The following PTPRM variants were observed in gnomAD, a reference collection of about 807,000 sequenced individuals.
PTPRM encodes the protein receptor-type tyrosine-protein phosphatase mu.
Under a neutral mutation model 186.7 loss-of-function variants are expected in PTPRM, and 47 were observed. That is an observed-to-expected ratio of 0.25 (90% CI 0.20 to 0.32). The LOEUF is 0.32. Ranked by LOEUF, PTPRM falls within the 10% of genes least tolerant of loss-of-function variation. The pLI is 1.00. For synonymous variants in PTPRM, 668 were observed against 674.9 expected (o/e 0.99, Z 0.16); for missense variants, 1,494 against 1,865.0 (o/e 0.80, Z 3.66).
At chr18:8,287,140 C>G (rs553453159) in intron 19 of PTPRM, among the ~76,000 whole-genome samples, 3 of 152,064 alleles carry the variant, frequency 2.0e-5, no homozygotes, top group South Asian at 4.2e-4. Context: ...AACCCCCACC[C>G]AACTTCCAAA....
rs539568084 is a variant in PTPRM at position 8,192,020 on chromosome 18, G to T, written c.2300+48241G>T. Among the ~76,000 whole-genome samples, 33 of 151,706 alleles carry T rather than the reference G, an allele frequency of 2.2e-4. No homozygotes were observed. The South Asian group carries it at 2.5e-3, about 11-fold the overall frequency. Reference sequence around the variant, plus strand: ...GAAATGAAATCTTAAGCTTTATTTAGATTTATTTTATTATTAATAATATTG... The same window carrying T: ...GAAATGAAATCTTAAGCTTTATTTATATTTATTTTATTATTAATAATATTG... On this transcript the variant is annotated intron_variant, in intron 14 of 32. Transcript: ENST00000580170.
At chr18:7,998,065 T>C (rs1012977817) in intron 7 of PTPRM, among the ~76,000 whole-genome samples, 7 of 152,130 alleles carry the variant, frequency 4.6e-5, no homozygotes, top group Non-Finnish European at 1.0e-4. Flanking sequence ...ATAAGTATAT[T>C]GAAGAGAGAT....
chr18:7,683,259 G>A (rs2039521119), intron 1 of PTPRM, among the ~76,000 whole-genome samples: 1 of 149,108 alleles, frequency 6.7e-6, no homozygotes, highest in South Asian at 2.1e-4. Context: ...TCGAACTCCT[G>A]GGCTCAAGCC....
chr18:7,753,590 T>A (rs2041329190), intron 1 of PTPRM, among the ~76,000 whole-genome samples: 1 of 152,166 alleles, frequency 6.6e-6, no homozygotes, highest in South Asian at 2.1e-4. Context: ...CAACACAACG[T>A]AGTAAGAGAT....
intron 1 of PTPRM, among the ~76,000 whole-genome samples, chr18:7,681,450 A>G (rs1257486154): frequency 2.6e-5 from 4 of 152,092 alleles, no homozygotes; most frequent in African/African-American, 9.7e-5. Context: ...GAGCCTGATT[A>G]ATGTCGGGGC....
chr18:7,952,573 G>A (rs1298247697), intron 6 of PTPRM, among the ~76,000 whole-genome samples: 1 of 151,924 alleles, frequency 6.6e-6, no homozygotes, highest in East Asian at 1.9e-4. Context: ...GCGGGCGCCT[G>A]TAGTCCCAGC....
intron 22 of PTPRM, among the ~76,000 whole-genome samples, chr18:8,325,565 G>T (rs2095370724): frequency 2.0e-5 from 3 of 152,118 alleles, no homozygotes; most frequent in African/African-American, 7.2e-5. Flanking sequence ...CCAGTCTACT[G>T]TTCATGGGCA....
At chr18:7,909,558 T>C (rs1284531018) in intron 4 of PTPRM, among the ~76,000 whole-genome samples, 2 of 152,252 alleles carry the variant, frequency 1.3e-5, no homozygotes, top group Non-Finnish European at 2.9e-5. Flanking sequence ...TTACAGGTAA[T>C]ATTTTATGAG....
At chr18:7,973,436 G>T (rs565746836) in intron 7 of PTPRM, among the ~76,000 whole-genome samples, 1 of 152,162 alleles carries the variant, frequency 6.6e-6, no homozygotes, top group African/African-American at 2.4e-5. Context: ...CAATTTATTG[G>T]TTTTTAAATT....
chr18:7,868,801 C>T (rs560179409), intron 2 of PTPRM, among the ~76,000 whole-genome samples: 49 of 152,364 alleles, frequency 3.2e-4, no homozygotes, highest in African/African-American at 1.0e-3. Flanking sequence ...CGCCCACAGC[C>T]ACCCCTTCCT....
intron 14 of PTPRM, among the ~76,000 whole-genome samples, chr18:8,199,364 T>C (rs1270805298): frequency 3.9e-5 from 6 of 152,120 alleles, no homozygotes; most frequent in African/African-American, 1.4e-4. Flanking sequence ...CTCACTCATA[T>C]CCTGCTTCAG....
At chr18:7,610,537 A>T (rs1202277524) in intron 1 of PTPRM, among the ~76,000 whole-genome samples, 1 of 152,242 alleles carries the variant, frequency 6.6e-6, no homozygotes. Context: ...GGGTATAATC[A>T]TGTGTCACAT....
chr18:8,266,306 C>G (rs936628608), intron 19 of PTPRM, among the ~76,000 whole-genome samples: 3 of 148,980 alleles, frequency 2.0e-5, no homozygotes, highest in African/African-American at 7.4e-5. Flanking sequence ...CTTGGGTCCC[C>G]TTCCACGCTG....
chr18:8,076,744 A>G (rs546602701), intron 9 of PTPRM, among the ~76,000 whole-genome samples, 180 bp downstream of exon 9: 2 of 152,260 alleles, frequency 1.3e-5, no homozygotes, highest in South Asian at 4.1e-4. Flanking sequence ...TGAATTATAT[A>G]TAATTTGAGG....
At chr18:7,905,510 A>C (rs945906234) in intron 3 of PTPRM, among the ~76,000 whole-genome samples, 1 of 152,238 alleles carries the variant, frequency 6.6e-6, no homozygotes, top group East Asian at 1.9e-4. Context: ...TTCAGTTAGC[A>C]TATTCTCTTC....
chr18:8,269,485 G>A (rs2094743779), intron 19 of PTPRM, among the ~76,000 whole-genome samples: 1 of 151,824 alleles, frequency 6.6e-6, no homozygotes, highest in Non-Finnish European at 1.5e-5. Flanking sequence ...AATAAATTCA[G>A]TGCAATCTCC....
At chr18:7,864,632 A>G (rs1391758242) in intron 2 of PTPRM, among the ~76,000 whole-genome samples, 1 of 152,132 alleles carries the variant, frequency 6.6e-6, no homozygotes, top group East Asian at 1.9e-4. Flanking sequence ...AGGTAGCGTG[A>G]TGTCTCCAGC....
At chr18:8,362,227 C>T (rs901603577) in intron 23 of PTPRM, among the ~76,000 whole-genome samples, 2 of 152,192 alleles carry the variant, frequency 1.3e-5, no homozygotes, top group Admixed American at 6.5e-5. Flanking sequence ...CATCCCTTGT[C>T]GCAATTAGTT....
chr18:7,906,591 G>A lies in PTPRM; in HGVS notation c.547+8G>A. On this transcript the variant is annotated splice_region_variant and intron_variant, in intron 4 of 32. Coordinates refer to ENST00000580170, the MANE Select transcript of PTPRM (RefSeq NM_001105244.2). ...TGTTAGGACATCCATGTAGTAAGTT[G>A]TCTTTATTTGTAAATATTCGGGTAC... The A allele has an allele frequency of 1.9e-6, 3 of 1,592,132 alleles. No homozygotes were observed. The highest frequency in any genetic ancestry group is 2.6e-6 in the Non-Finnish European group (3 of 1,160,112).
Sources: gnomAD v4.1 joint callset for allele counts (sites outside exome capture counted in the v4.1 genomes callset) on GRCh38, gnomAD v4.1.1 for gene constraint, MANE v1.5 for transcripts, NCBI Gene and HGNC (gene_info 2026-07-23, HGNC 2026-07-21) for gene names.